Variants in TSPEAR observed in about 807,000 individuals in gnomAD.
TSPEAR encodes thrombospondin type laminin G domain and EAR repeats, also known as thrombospondin-type laminin G domain and EAR repeat-containing protein.
Under a neutral mutation model 71.6 loss-of-function variants are expected in TSPEAR, and 69 were observed. That is an observed-to-expected ratio of 0.96 (90% CI 0.79 to 1.18). TSPEAR has a LOEUF of 1.18. TSPEAR is among the 50% of genes most tolerant of loss of function. TSPEAR has a pLI of 0.00. For missense variants in TSPEAR, 971 were observed against 894.9 expected (o/e 1.09, Z -1.09); for synonymous variants, 402 against 387.2 (o/e 1.04, Z -0.45).
intron 10 of TSPEAR, chr21:44,508,900 C>G: frequency 1.4e-6 from 2 of 1,480,530 alleles, no homozygotes. Context: ...ATGAAGCCCC[C>G]TCCTGCCTCC....
intron 1 of TSPEAR, among the ~76,000 whole-genome samples, chr21:44,606,952 C>T (rs1981354958): frequency 1.3e-5 from 2 of 152,154 alleles, no homozygotes; most frequent in Admixed American, 1.3e-4. Context: ...TGACCTACTG[C>T]ATTGCATGGT....
At chr21:44,513,997 G>T (rs782312753) in intron 9 of TSPEAR, among the ~76,000 whole-genome samples, 1 of 152,138 alleles carries the variant, frequency 6.6e-6, no homozygotes, top group Non-Finnish European at 1.5e-5. Flanking sequence ...GGTGCCCCCC[G>T]TGCTCTTCCC....
chr21:44,645,981 T>C (rs1425979440), intron 1 of TSPEAR, among the ~76,000 whole-genome samples: 1 of 150,452 alleles, frequency 6.6e-6, no homozygotes, highest in Non-Finnish European at 1.5e-5. Flanking sequence ...CTACTAAAAA[T>C]ACAAAAATTA....
rs117347650 is a variant in TSPEAR, at chr21:44,559,453, G to A, written c.303+8332C>T. On this transcript the variant is annotated intron_variant, in intron 2 of 11. Coordinates refer to ENST00000323084, the MANE Select transcript of TSPEAR (RefSeq NM_144991.3). ...GGCAAGCACCTTTGTTTCATTTCAC[G>A]TTGAACTGTTATGGGGCCTTCCCCC... Among the ~76,000 whole-genome samples, 1,402 of 152,300 alleles carry A rather than the reference G, an allele frequency of 9.2e-3. 16 individuals are homozygous for A. Among genetic ancestry groups the A allele is most frequent in the Middle Eastern group, 0.017 (5 of 294 alleles).
intron 1 of TSPEAR, among the ~76,000 whole-genome samples, chr21:44,571,728 T>C (rs1351732656): frequency 3.3e-5 from 5 of 152,230 alleles, no homozygotes; most frequent in African/African-American, 7.2e-5. Context: ...TTGGAACCAC[T>C]GCAACCACAA....
intron 1 of TSPEAR, among the ~76,000 whole-genome samples, chr21:44,626,218 G>A (rs2146200328): frequency 6.6e-6 from 1 of 152,350 alleles, no homozygotes; most frequent in South Asian, 2.1e-4. Context: ...CTGCTGGGTA[G>A]CAATGTTCCT....
chr21:44,553,643 T>C (rs2053481882), intron 2 of TSPEAR, among the ~76,000 whole-genome samples: 1 of 151,974 alleles, frequency 6.6e-6, no homozygotes, highest in Admixed American at 6.6e-5. Flanking sequence ...TAATTGAGGA[T>C]CAGGTATTCT....
chr21:44,697,918 A>T, intron 1 of TSPEAR: 1 of 1,611,888 alleles, frequency 6.2e-7, no homozygotes, highest in Middle Eastern at 1.7e-4. Flanking sequence ...GCCGCCCCAC[A>T]TGTTCCCGCC....
chr21:44,533,595 C>T (rs2053020208), intron 3 of TSPEAR, 90 bp downstream of exon 3: 1 of 1,098,124 alleles, frequency 9.1e-7, no homozygotes, highest in African/African-American at 1.5e-5. Context: ...ACAGCTCCTG[C>T]AGGTGTTGCT....
At chr21:44,504,170 A>T (rs2052129882) in intron 11 of TSPEAR, among the ~76,000 whole-genome samples, 1 of 131,632 alleles carries the variant, frequency 7.6e-6, no homozygotes, top group African/African-American at 3.1e-5. Context: ...CTCTTGGAGG[A>T]GGCCGGCCTT....
intron 1 of TSPEAR, chr21:44,702,806 C>T: frequency 8.3e-7 from 1 of 1,206,768 alleles, no homozygotes; most frequent in Non-Finnish European, 1.2e-6. Flanking sequence ...TACTGACGGG[C>T]ACGTCCCCCA....
At chr21:44,646,929 T>C (rs1326624586) in intron 1 of TSPEAR, 12 of 1,610,016 alleles carry the variant, frequency 7.5e-6, no homozygotes, top group East Asian at 2.2e-5. Flanking sequence ...CTGTGTGCTG[T>C]GTGTCCACCT....
Position 44,528,502 on chromosome 21 carries a change from C to T in TSPEAR, c.872G>A (p.Arg291Gln), listed in dbSNP as rs140421577. Residue 291 changes from arginine to glutamine, a missense_variant, in exon 6 of 12, where the codon CGG (arginine) becomes CAG (glutamine). By Grantham distance (43) the Arg-to-Gln change is conservative. Coordinates refer to ENST00000323084, the MANE Select transcript of TSPEAR (RefSeq NM_144991.3). ...GCCAACACACAGATACAGGCCCTTC[C>T]GGCTGGCATCAAACCAGAACTGGGC... ...EDAQFWFDAS[R>Q]KGLYLCVGNE... The T allele has an allele frequency of 8.1e-5, 130 of 1,614,154 alleles. No homozygotes were observed. The East Asian group carries it at 2.5e-3, about 30-fold the overall frequency.
At chr21:44,646,845 G>C (rs782051356) in intron 1 of TSPEAR, 1 of 1,576,420 alleles carries the variant, frequency 6.3e-7, no homozygotes, top group Non-Finnish European at 8.6e-7. Flanking sequence ...GCTGCCGGCA[G>C]TCTAGCTGCC....
intron 1 of TSPEAR, chr21:44,591,952 C>G: frequency 1.2e-6 from 2 of 1,607,308 alleles, no homozygotes; most frequent in Non-Finnish European, 1.7e-6. Context: ...ACAGCTCACA[C>G]AGCTAGACTG....
intron 11 of TSPEAR, among the ~76,000 whole-genome samples, chr21:44,504,486 G>GCAGCTCATTACCTGTAAATAA (rs2052147582): frequency 6.8e-6 from 1 of 146,030 alleles, no homozygotes; most frequent in Non-Finnish European, 1.5e-5. Context: ...GCCGGCCTCG[G>GCAGCTCATTACCTGTAAATAA]TGAGCCCACA....
intron 1 of TSPEAR, among the ~76,000 whole-genome samples, chr21:44,607,397 C>T (rs782083733): frequency 6.6e-6 from 1 of 152,234 alleles, no homozygotes; most frequent in East Asian, 1.9e-4. Flanking sequence ...CAGGTCAAAA[C>T]GTCACATTAT....
chr21:44,579,270 G>A (rs1336365696), intron 1 of TSPEAR, among the ~76,000 whole-genome samples: 1 of 152,180 alleles, frequency 6.6e-6, no homozygotes, highest in Admixed American at 6.5e-5. Flanking sequence ...CAGGCATGGA[G>A]GCTGAGCCGG....
At chr21:44,530,541 G>A (rs1368270228) in intron 4 of TSPEAR, among the ~76,000 whole-genome samples, 1 of 151,448 alleles carries the variant, frequency 6.6e-6, no homozygotes, top group Non-Finnish European at 1.5e-5. Context: ...CCATCCATTT[G>A]TCCATCCCTC....
Sources: allele counts gnomAD v4.1 joint callset (sites outside exome capture counted in the v4.1 genomes callset), GRCh38; gene constraint gnomAD v4.1.1; transcripts MANE v1.5; gene names NCBI Gene and HGNC (gene_info 2026-07-23, HGNC 2026-07-21).